The following ASCC3 variants were observed in gnomAD, a reference collection of about 807,000 sequenced individuals.
The protein encoded by ASCC3 is ASC-1 complex subunit P200.
A neutral mutation model predicts 256.3 loss-of-function variants in ASCC3; 158 were observed. The observed-to-expected ratio is 0.62, with a 90% CI of 0.54 to 0.70. The LOEUF (loss-of-function observed/expected upper bound fraction) is 0.70. Ranked by LOEUF, ASCC3 falls within the 30% of genes least tolerant of loss-of-function variation. The pLI is 0.00. For missense variants in ASCC3, 2,259 were observed against 2,626.0 expected, an observed-to-expected ratio of 0.86 and a Z score of 3.05; for synonymous variants, 948 against 883.4, an observed-to-expected ratio of 1.07 and a Z score of -1.30.
At chr6:100,599,925 AG>A (rs1271695481) in intron 34 of ASCC3, among the ~76,000 whole-genome samples, 1 of 152,144 alleles carries the variant, frequency 6.6e-6, no homozygotes, top group Non-Finnish European at 1.5e-5. Context: ...TAATTAATAC[AG>A]AATTAGAATG....
intron 25 of ASCC3, among the ~76,000 whole-genome samples, chr6:100,637,719 G>A (rs796911862): frequency 1.4e-4 from 22 of 152,154 alleles, no homozygotes; most frequent in African/African-American, 5.3e-4. Context: ...CTTCACGGAC[G>A]ACTGAGGGGT....
chr6:100,563,616 G>A (rs1017768996), intron 36 of ASCC3, among the ~76,000 whole-genome samples: 3 of 152,070 alleles, frequency 2.0e-5, no homozygotes, highest in Non-Finnish European at 4.4e-5. Flanking sequence ...GGATTAAAAG[G>A]GGAAGAGCAG....
Position 100,551,238 on chromosome 6 carries a change from A to G in ASCC3, c.5551-10851T>C, listed in dbSNP as rs146436234. Among the ~76,000 whole-genome samples the G allele has an allele frequency of 5.3e-3, 811 of 152,110 alleles. 3 individuals carry two copies. Among genetic ancestry groups the G allele is most frequent in the Middle Eastern group, 0.024 (7 of 294 alleles). On this transcript the variant is annotated intron_variant, in intron 36 of 41. Coordinates refer to ENST00000369162, the MANE Select transcript of ASCC3 (RefSeq NM_006828.4). ...TTATGGACAGGTATACACAATGGTA[A>G]ACAAAAAGAGACATGACTCTCTGCT...
At chr6:100,863,776 T>C (rs1773338334) in intron 3 of ASCC3, among the ~76,000 whole-genome samples, 1 of 151,956 alleles carries the variant, frequency 6.6e-6, no homozygotes, top group Admixed American at 6.6e-5. Flanking sequence ...CCACCACACC[T>C]AGCTAGTTTA....
At chr6:100,817,787 G>T (rs34151799) in intron 4 of ASCC3, among the ~76,000 whole-genome samples, 1,697 of 152,080 alleles carry the variant, frequency 0.011, 14 homozygotes, top group Non-Finnish European at 0.015. Context: ...ATCAAGAAAC[G>T]ACCCACAAAG....
At chr6:100,757,173 T>C (rs1781217130) in intron 10 of ASCC3, among the ~76,000 whole-genome samples, 1 of 152,118 alleles carries the variant, frequency 6.6e-6, no homozygotes, top group African/African-American at 2.4e-5. Context: ...ATTTGCTTTA[T>C]AATCAAGACT....
intron 2 of ASCC3, among the ~76,000 whole-genome samples, chr6:100,865,076 T>A (rs1438705837): frequency 6.6e-6 from 1 of 152,206 alleles, no homozygotes; most frequent in East Asian, 1.9e-4. Flanking sequence ...CTCCATTTTT[T>A]AATTTCAAAT....
intron 30 of ASCC3, among the ~76,000 whole-genome samples, chr6:100,622,032 G>A (rs1773976909): frequency 6.6e-6 from 1 of 152,114 alleles, no homozygotes; most frequent in Admixed American, 6.6e-5. Flanking sequence ...AGTGGGAGCT[G>A]AAAAATGAGA....
At chr6:100,785,828 A>T (rs903427602) in intron 8 of ASCC3, among the ~76,000 whole-genome samples, 17 of 152,226 alleles carry the variant, frequency 1.1e-4, no homozygotes, top group Admixed American at 7.9e-4. Flanking sequence ...AGCTAAATAC[A>T]GATGGACCTT....
intron 25 of ASCC3, among the ~76,000 whole-genome samples, chr6:100,633,429 C>T (rs1774658540): frequency 6.6e-6 from 1 of 151,760 alleles, no homozygotes; most frequent in Admixed American, 6.6e-5. Flanking sequence ...CTCGGATTTG[C>T]CAAGGAGAAG....
chr6:100,567,595 G>A (rs1020138943), intron 36 of ASCC3, among the ~76,000 whole-genome samples: 1 of 152,094 alleles, frequency 6.6e-6, no homozygotes, highest in African/African-American at 2.4e-5. Flanking sequence ...AGTGTCTACA[G>A]TCATCTTTGT....
At chr6:100,559,847 C>G (rs1254098904) in intron 36 of ASCC3, among the ~76,000 whole-genome samples, 3 of 107,438 alleles carry the variant, frequency 2.8e-5, no homozygotes, top group African/African-American at 1.1e-4. Flanking sequence ...TAGACTCCAT[C>G]TCAAAAAAAA....
At chr6:100,590,782 T>C (rs1771964715) in intron 34 of ASCC3, among the ~76,000 whole-genome samples, 1 of 152,062 alleles carries the variant, frequency 6.6e-6, no homozygotes, top group African/African-American at 2.4e-5. Context: ...TTGAGAGCAA[T>C]AGAGAACACT....
rs1772925755 is a variant in ASCC3 at position 100,607,009 on chromosome 6, C to A, written c.4865G>T (p.Gly1622Val). 10 of 1,613,470 alleles carry A rather than the reference C, an allele frequency of 6.2e-6. No homozygotes were observed. The highest frequency in any genetic ancestry group is 8.5e-6 in the Non-Finnish European group (10 of 1,179,758). Residue 1622 changes from glycine to valine, a missense_variant, in exon 31 of 42, where the codon GGA becomes GTA. By Grantham distance (109) the Gly-to-Val change is moderately radical (BLOSUM62 -3). Transcript: ENST00000369162. ...LAFGIGMHHA[G>V]LHERDRKTVE... The stretch of plus-strand genomic sequence containing the variant: ...TGTTTTTCGGTCCCTCTCATGTAGT[C>A]CAGCATGATGCATTCCTATCCCGAA...
intron 36 of ASCC3, among the ~76,000 whole-genome samples, chr6:100,586,039 C>A (rs552485997): frequency 6.6e-6 from 1 of 152,166 alleles, no homozygotes; most frequent in African/African-American, 2.4e-5. Flanking sequence ...GGGTCAGGGA[C>A]CCACTTGAGG....
At chr6:100,623,488 CTAAA>C (rs1232476194) in intron 30 of ASCC3, among the ~76,000 whole-genome samples, 4 of 152,100 alleles carry the variant, frequency 2.6e-5, no homozygotes, top group African/African-American at 7.2e-5. Context: ...CCTACTAACT[CTAAA>C]TGAGTCATGA....
At chr6:100,625,041 G>T in intron 30 of ASCC3, 151 bp downstream of exon 30, 1 of 898,648 alleles carries the variant, frequency 1.1e-6, no homozygotes, top group Non-Finnish European at 1.7e-6. Flanking sequence ...GACTATAGTA[G>T]AACAAACTAT....
At chr6:100,819,629 T>C (rs997631428) in intron 4 of ASCC3, among the ~76,000 whole-genome samples, 6 of 151,822 alleles carry the variant, frequency 4.0e-5, no homozygotes, top group African/African-American at 1.5e-4. Flanking sequence ...AAGAGTCCGA[T>C]GTTCAAGGGC....
At chr6:100,707,136 T>C (rs961066418) in intron 13 of ASCC3, among the ~76,000 whole-genome samples, 1 of 152,110 alleles carries the variant, frequency 6.6e-6, no homozygotes. Flanking sequence ...CCCATGCATA[T>C]GATGATATAC....
Sources: allele counts gnomAD v4.1 joint callset (sites outside exome capture counted in the v4.1 genomes callset), GRCh38; gene constraint gnomAD v4.1.1; transcripts MANE v1.5; gene names NCBI Gene and HGNC (gene_info 2026-07-23, HGNC 2026-07-21).